The following MPP4 variants were observed in gnomAD, a reference collection of about 807,000 sequenced individuals.
MPP4 encodes MAGUK p55 subfamily member 4.
A neutral mutation model predicts 98.3 loss-of-function variants in MPP4; 91 were observed. The ratio of observed to expected loss-of-function variants is 0.93; its 90% confidence interval spans 0.78 to 1.10. The LOEUF (loss-of-function observed/expected upper bound fraction) is 1.10, where lower values mean the gene tolerates loss of function less well. Ranked by LOEUF, MPP4 falls within the 50% of genes least tolerant of loss-of-function variation. The pLI, the probability that MPP4 is intolerant of heterozygous loss-of-function variation, is 0.00. For synonymous variants in MPP4, 261 were observed against 271.8 expected, an observed-to-expected ratio of 0.96 and a Z score of 0.39; for missense variants, 744 against 792.9, an observed-to-expected ratio of 0.94 and a Z score of 0.74.
At chr2:201,690,765 T>G (rs1688994172) in intron 3 of MPP4, among the ~76,000 whole-genome samples, 1 of 152,314 alleles carries the variant, frequency 6.6e-6, no homozygotes, top group East Asian at 1.9e-4. Flanking sequence ...CAAACGCTTC[T>G]CTGTACTCTG....
At chr2:201,648,983 G>A (rs2105910369) in intron 20 of MPP4, among the ~76,000 whole-genome samples, 1 of 152,282 alleles carries the variant, frequency 6.6e-6, no homozygotes, top group Middle Eastern at 3.4e-3. Context: ...AGAATTGCTT[G>A]AACCCGGGAA....
chr2:201,675,018 C>T (rs1438763454), intron 11 of MPP4, 189 bp downstream of exon 11: 3 of 720,604 alleles, frequency 4.2e-6, no homozygotes, highest in Admixed American at 2.0e-5. Context: ...TAGCCACCAC[C>T]CCCACGCCCT....
At chr2:201,674,561 T>A (rs1688446802) in intron 11 of MPP4, among the ~76,000 whole-genome samples, 1 of 152,110 alleles carries the variant, frequency 6.6e-6, no homozygotes, top group Non-Finnish European at 1.5e-5. Flanking sequence ...ATTATGGTAG[T>A]GGGGGAGATC....
chr2:201,669,696 T>C (rs746363291), intron 12 of MPP4, 37 bp downstream of exon 12: 4 of 1,370,760 alleles, frequency 2.9e-6, no homozygotes, highest in Non-Finnish European at 3.8e-6. Context: ...TAAAAGACTT[T>C]GGAGATAAGA....
chr2:201,647,782 A>G lies in MPP4; in HGVS notation c.1628T>C (p.Ile543Thr), dbSNP rs933683419. 6 of 1,613,822 alleles carry G rather than the reference A, an allele frequency of 3.7e-6. No homozygotes were observed. The highest frequency in any genetic ancestry group is 2.2e-5 in the East Asian group (1 of 44,880). The change falls in exon 21 of 22, where the codon ATA becomes ACA. Residue 543 changes from isoleucine (I) to threonine (T), a missense_variant. Coordinates refer to ENST00000409474, the MANE Select transcript of MPP4 (RefSeq NM_033066.3). ...CCTCATATTCGATGGCTTTATAAAT[A>G]TGACATAGGGCTTCAGTTCATGGGT... Reference protein sequence around the residue: ...VRTHELKPYVIFIKPSNMRCM... With the variant: ...VRTHELKPYVTFIKPSNMRCM...
rs757106138 is a variant in MPP4 at position 201,692,908 on chromosome 2, C to G, written c.201G>C (p.Lys67Asn). Residue 67 changes from lysine (K) to asparagine (N), a missense_variant and splice_region_variant, in exon 3 of 22, where the codon AAG becomes AAC. Coordinates refer to ENST00000409474, the MANE Select transcript of MPP4 (RefSeq NM_033066.3). ...LHSPWLQALL[K>N]IYDCLQEFKE... The stretch of plus-strand genomic sequence containing the variant: ...GGCTTCCGAGCAAAGAAGCACTCAC[C>G]TTTAGCAGAGCCTGAAGCCACGGCG... 3.1e-6 allele frequency: 5 copies of G among 1,606,740 alleles called. No individual in the cohort carries two copies. Among genetic ancestry groups the G allele is most frequent in the Non-Finnish European group, 4.2e-6 (5 of 1,176,798 alleles).
chr2:201,689,891 GAT>G (rs1373230200), intron 4 of MPP4, among the ~76,000 whole-genome samples: 1 of 152,068 alleles, frequency 6.6e-6, no homozygotes, highest in Non-Finnish European at 1.5e-5. Flanking sequence ...CCAGGCTAGA[GAT>G]ATAAATCCGA....
chr2:201,652,046 T>C, intron 18 of MPP4: 8 of 975,432 alleles, frequency 8.2e-6, no homozygotes, highest in Non-Finnish European at 9.7e-6. Flanking sequence ...TGCACATTCC[T>C]GTACATGAAA....
Position 201,683,081 on chromosome 2 carries a change from C to T in MPP4, c.575-165G>A, listed in dbSNP as rs544682215. Among the ~76,000 whole-genome samples the T allele has an allele frequency of 3.3e-5, 5 of 150,870 alleles. No homozygotes were observed. In the East Asian group the frequency reaches 9.6e-4, roughly 29 times the overall value. The stretch of plus-strand genomic sequence containing the variant: ...AGCTGGTTATTCCAACTTACATCAC[C>T]CCCAGAAATGTGTGAACAGTCCATT... On this transcript the variant is annotated intron_variant, in intron 7 of 21. Coordinates refer to ENST00000409474, the MANE Select transcript of MPP4 (RefSeq NM_033066.3).
intron 13 of MPP4, among the ~76,000 whole-genome samples, chr2:201,664,612 G>A (rs1346456948): frequency 6.6e-6 from 1 of 152,124 alleles, no homozygotes; most frequent in Non-Finnish European, 1.5e-5. Flanking sequence ...ACCAACTTCC[G>A]CATTAGTTAA....
chr2:201,689,505 A>C (rs13032238), intron 4 of MPP4, among the ~76,000 whole-genome samples: 2 of 152,052 alleles, frequency 1.3e-5, no homozygotes, highest in African/African-American at 4.8e-5. Flanking sequence ...AGGAGACCAG[A>C]TAGGAGGCAA....
chr2:201,688,066 T>A (rs998904432), intron 4 of MPP4, among the ~76,000 whole-genome samples: 1 of 152,294 alleles, frequency 6.6e-6, no homozygotes, highest in East Asian at 1.9e-4. Flanking sequence ...GAATAAAATA[T>A]TATATATGTG....
chr2:201,693,117 C>A, intron 2 of MPP4, 88 bp from the exon 3 acceptor site: 1 of 1,465,466 alleles, frequency 6.8e-7, no homozygotes. Flanking sequence ...GCCATGGGGT[C>A]TCACCAGGAG....
At chr2:201,655,920 C>CA (rs560346238) in intron 17 of MPP4, among the ~76,000 whole-genome samples, 49 of 146,862 alleles carry the variant, frequency 3.3e-4, no homozygotes, top group African/African-American at 6.3e-4. Flanking sequence ...TCTAAGCAGG[C>CA]AAAAAAAAAA....
chr2:201,672,845 G>C (rs1688383497), intron 11 of MPP4, among the ~76,000 whole-genome samples: 1 of 152,078 alleles, frequency 6.6e-6, no homozygotes, highest in Non-Finnish European at 1.5e-5. Flanking sequence ...GAAAAAGAGG[G>C]ACTCCTCCCT....
intron 1 of MPP4, among the ~76,000 whole-genome samples, chr2:201,696,840 C>G (rs1476254393): frequency 2.0e-5 from 3 of 152,146 alleles, no homozygotes; most frequent in Non-Finnish European, 2.9e-5. Flanking sequence ...GCCATAGAGG[C>G]AAAAACAATA....
intron 3 of MPP4, 56 bp downstream of exon 3, chr2:201,692,852 C>T: frequency 1.3e-6 from 2 of 1,580,444 alleles, no homozygotes; most frequent in Non-Finnish European, 8.6e-7. Flanking sequence ...TCATTTTCTA[C>T]ACACTCCCCA....
chr2:201,675,480 C>T (rs966129354), intron 10 of MPP4, among the ~76,000 whole-genome samples: 5 of 152,190 alleles, frequency 3.3e-5, no homozygotes, highest in East Asian at 1.9e-4. Context: ...TTCTGCCTCA[C>T]GGGATCTTTT....
intron 20 of MPP4, among the ~76,000 whole-genome samples, chr2:201,648,792 T>C (rs1223720683): frequency 6.6e-6 from 1 of 152,214 alleles, no homozygotes; most frequent in East Asian, 1.9e-4. Context: ...GCGCAGTAGC[T>C]CATGCCTATA....
Sources: gnomAD v4.1 joint callset for allele counts (sites outside exome capture counted in the v4.1 genomes callset) on GRCh38, gnomAD v4.1.1 for gene constraint, MANE v1.5 for transcripts, NCBI Gene and HGNC (gene_info 2026-07-23, HGNC 2026-07-21) for gene names.